DOCK4: variants seen among roughly 807,000 people sequenced by gnomAD.
DOCK4 encodes the protein dedicator of cytokinesis 4.
A neutral mutation model predicts 268.1 loss-of-function variants in DOCK4; 97 were observed. The observed-to-expected ratio is 0.36, with a 90% CI of 0.31 to 0.43. DOCK4 has a LOEUF of 0.43. Ranked by LOEUF, DOCK4 falls within the 20% of genes least tolerant of loss-of-function variation. The probability of loss-of-function intolerance (pLI) is 1.00; values close to 1 mark genes in which losing one functional copy is unlikely to be tolerated. For missense variants in DOCK4, 2,145 were observed against 2,455.7 expected, an observed-to-expected ratio of 0.87 and a Z score of 2.67; for synonymous variants, 954 against 887.2, an observed-to-expected ratio of 1.08 and a Z score of -1.34.
At chr7:112,066,582 A>T (rs1311778101) in intron 1 of DOCK4, among the ~76,000 whole-genome samples, 1 of 117,442 alleles carries the variant, frequency 8.5e-6, no homozygotes, top group Non-Finnish European at 1.6e-5. Flanking sequence ...GTGTATATGT[A>T]TATATACACA....
At chr7:111,801,687 C>CTTTTTTTTTTTTTTTTTTTTTTT (rs796439376) in intron 30 of DOCK4, 1 of 131,226 alleles carries the variant, frequency 7.6e-6, no homozygotes, top group African/African-American at 2.9e-5. Flanking sequence ...TTCTTTTTTC[C>CTTTTTTTTTTTTTTTTTTTTTTT]TTTTTTTTTT....
chr7:112,203,394 C>T (rs529990712), intron 1 of DOCK4, among the ~76,000 whole-genome samples: 327 of 152,130 alleles, frequency 2.1e-3, no homozygotes, highest in African/African-American at 7.4e-3. Flanking sequence ...ACATCAGTTA[C>T]GAAAAAGAAT....
rs529818118 is a variant in DOCK4 at position 112,168,497 on chromosome 7, A to C, written c.37+37605T>G. On this transcript the variant is annotated intron_variant, in intron 1 of 52. Transcript: ENST00000428084. ...CAAAGTGGGAGGACTGCTTGAAGCC[A>C]GGAGTTCGAGACCAGCCTGAGCAAC... Among the ~76,000 whole-genome samples the C allele has an allele frequency of 9.2e-5, 14 of 152,326 alleles. No individual in the cohort carries two copies. In the East Asian group the frequency reaches 2.7e-3, roughly 29 times the overall value.
chr7:111,950,679 T>C (rs1334687405), intron 8 of DOCK4, among the ~76,000 whole-genome samples: 1 of 152,186 alleles, frequency 6.6e-6, no homozygotes, highest in Non-Finnish European at 1.5e-5. Context: ...CTTTACTTTA[T>C]GGTAGGGAAA....
chr7:111,881,004 G>C (rs1807336983), intron 16 of DOCK4, among the ~76,000 whole-genome samples: 1 of 152,120 alleles, frequency 6.6e-6, no homozygotes, highest in Non-Finnish European at 1.5e-5. Flanking sequence ...AAACTCTCCA[G>C]GACAGCGGTC....
chr7:111,786,000 T>C (rs1799138816), intron 32 of DOCK4, among the ~76,000 whole-genome samples: 1 of 152,102 alleles, frequency 6.6e-6, no homozygotes, highest in South Asian at 2.1e-4. Flanking sequence ...CATAATGGGG[T>C]TACGTAGAAG....
At chr7:111,999,946 C>G (rs1267219888) in intron 3 of DOCK4, among the ~76,000 whole-genome samples, 1 of 152,022 alleles carries the variant, frequency 6.6e-6, no homozygotes, top group East Asian at 1.9e-4. Flanking sequence ...ACTTCTTGCT[C>G]TAATTCCTGA....
chr7:112,064,210 C>CT (rs1427022130), intron 1 of DOCK4, among the ~76,000 whole-genome samples: 6 of 152,164 alleles, frequency 3.9e-5, no homozygotes, highest in African/African-American at 1.4e-4. Context: ...CAGCAGCTCT[C>CT]TTGTCAGACT....
At chr7:111,946,705 C>T (rs1303790795) in intron 8 of DOCK4, among the ~76,000 whole-genome samples, 1 of 152,178 alleles carries the variant, frequency 6.6e-6, no homozygotes, top group Non-Finnish European at 1.5e-5. Flanking sequence ...CCTCAGTCTC[C>T]TCAGTAGCTG....
At chr7:111,806,276 C>A (rs1800666141) in intron 30 of DOCK4, among the ~76,000 whole-genome samples, 1 of 152,102 alleles carries the variant, frequency 6.6e-6, no homozygotes, top group South Asian at 2.1e-4. Flanking sequence ...TGACTTAAGG[C>A]CTATAAGGGG....
chr7:111,754,537 A>G (rs1796896405), intron 42 of DOCK4, among the ~76,000 whole-genome samples: 1 of 152,240 alleles, frequency 6.6e-6, no homozygotes, highest in African/African-American at 2.4e-5. Flanking sequence ...AGGCTCAAAA[A>G]CAAACACATT....
At chr7:111,739,777 G>C (rs1164806839) in intron 47 of DOCK4, 2 of 400,324 alleles carry the variant, frequency 5.0e-6, no homozygotes, top group Non-Finnish European at 9.3e-6. Flanking sequence ...TCCAGCCTAG[G>C]GCCCAAAAAC....
intron 1 of DOCK4, among the ~76,000 whole-genome samples, chr7:112,175,271 A>C (rs1818411627): frequency 6.6e-6 from 1 of 152,176 alleles, no homozygotes; most frequent in Non-Finnish European, 1.5e-5. Flanking sequence ...TGAAAATTAA[A>C]CTATAACATG....
At chr7:112,071,650 T>G (rs757492828) in intron 1 of DOCK4, among the ~76,000 whole-genome samples, 1 of 152,234 alleles carries the variant, frequency 6.6e-6, no homozygotes, top group Non-Finnish European at 1.5e-5. Flanking sequence ...TTCAATCTTC[T>G]GAAAGAAATA....
chr7:112,091,643 G>A (rs148801389), intron 1 of DOCK4, among the ~76,000 whole-genome samples: 5 of 152,170 alleles, frequency 3.3e-5, no homozygotes, highest in African/African-American at 7.2e-5. Context: ...AGCCCAATCC[G>A]AAAAGAATTC....
intron 26 of DOCK4, among the ~76,000 whole-genome samples, chr7:111,823,204 CTT>C (rs917904625): frequency 6.5e-4 from 76 of 116,254 alleles, no homozygotes; most frequent in Middle Eastern, 4.8e-3. Context: ...GGAAATATTA[CTT>C]TTTTTTTTTT....
intron 25 of DOCK4, 33 bp from the exon 26 acceptor site, chr7:111,834,719 T>C: frequency 1.4e-6 from 2 of 1,423,026 alleles, no homozygotes; most frequent in East Asian, 2.5e-5. Flanking sequence ...ATACATTTTA[T>C]TTTTAGTAAG....
At chr7:112,023,990 C>A (rs7793319) in intron 1 of DOCK4, among the ~76,000 whole-genome samples, 1 of 152,204 alleles carries the variant, frequency 6.6e-6, no homozygotes, top group Non-Finnish European at 1.5e-5. Flanking sequence ...CTGTTCAATG[C>A]GTGTCCTTCC....
intron 1 of DOCK4, among the ~76,000 whole-genome samples, chr7:112,058,024 A>ATTTTTTTT (rs67991598): frequency 1.0e-4 from 12 of 115,040 alleles, no homozygotes; most frequent in African/African-American, 3.2e-4. Flanking sequence ...TACAGGTTCA[A>ATTTTTTTT]TTTTTTTTTT....
Sources: gnomAD v4.1 joint callset for allele counts (sites outside exome capture counted in the v4.1 genomes callset) on GRCh38, gnomAD v4.1.1 for gene constraint, MANE v1.5 for transcripts, NCBI Gene and HGNC (gene_info 2026-07-23, HGNC 2026-07-21) for gene names.